Variants in LAMA5 observed in about 807,000 individuals in gnomAD.
The protein encoded by LAMA5 is laminin subunit alpha-5.
LAMA5 carries 260 observed loss-of-function variants against 433.4 expected under a neutral mutation model. The ratio of observed to expected loss-of-function variants is 0.60; its 90% confidence interval spans 0.54 to 0.66. The LOEUF is 0.66. Among genes scored for constraint, LAMA5 ranks in the 30% least tolerant of loss-of-function variants. The pLI is 0.00. For missense variants in LAMA5, 5,378 were observed against 5,258.5 expected, an observed-to-expected ratio of 1.02 and a Z score of -0.70; for synonymous variants, 2,620 against 2,226.6, an observed-to-expected ratio of 1.18 and a Z score of -4.97.
rs370374212 is a variant in LAMA5, at chr20:62,313,126, C to T, written c.8917G>A (p.Val2973Met). 4.4e-5 allele frequency: 70 copies of T among 1,607,074 alleles called. No homozygotes were observed. In the African/African-American group the frequency reaches 4.9e-4, roughly 11 times the overall value. ...TKRFEQELRL[V>M]SYSGVLFFLK... Reference sequence around the variant, plus strand: ...AAGAAGAGCACCCCGCTGTAGGACACGAGCCGCAGCTCCTGCTCGAAGCGC... The same window carrying T: ...AAGAAGAGCACCCCGCTGTAGGACATGAGCCGCAGCTCCTGCTCGAAGCGC... The change falls in exon 65 of 80, where the codon GTG becomes ATG. Residue 2973 changes from valine (V) to methionine (M), a missense_variant. Val to Met is a conservative substitution (Grantham distance 21). Transcript: ENST00000252999.
rs763023466 is a variant in LAMA5, at chr20:62,310,213, G to T, written c.10699C>A (p.Pro3567Thr). The T allele has an allele frequency of 2.5e-6, 4 of 1,612,488 alleles. No individual in the cohort carries two copies. The highest frequency in any genetic ancestry group is 2.2e-5 in the East Asian group (1 of 44,888). ...GTCACCTGCAACTGCAAGTAGGGGG[G>T]CGTCCGGGCCTGGCCCAAGTGGAAG... The part of the protein sequence containing the change: ...LIFHLGQART[P>T]PYLQLQVTEK... The change falls in exon 77 of 80, where the codon CCC becomes ACC. Residue 3567 changes from proline to threonine, a missense_variant. Pro to Thr is a conservative substitution (Grantham distance 38). Coordinates refer to ENST00000252999, the MANE Select transcript of LAMA5 (RefSeq NM_005560.6).
chr20:62,318,590 G>T lies in LAMA5; in HGVS notation c.7103C>A (p.Thr2368Lys). 1 of 1,610,860 alleles carries T rather than the reference G, an allele frequency of 6.2e-7. No homozygotes were observed. Among genetic ancestry groups the T allele is most frequent in the Non-Finnish European group, 8.5e-7 (1 of 1,179,072 alleles). The change falls in exon 53 of 80, where the codon ACA (threonine) becomes AAA (lysine). Residue 2368 changes from threonine to lysine, a missense_variant. Thr to Lys is a moderately conservative substitution (Grantham distance 78). Transcript: ENST00000252999. ...SLWEENQALA[T>K]QTRDRLAQHE... ...CTGGGCCAGCCGGTCGCGGGTTTGTGTGGCCAGTGCCTGGTTCTCCTCCCA... is the reference window on the plus strand; with the variant it reads ...CTGGGCCAGCCGGTCGCGGGTTTGTTTGGCCAGTGCCTGGTTCTCCTCCCA...
rs756636783 is a variant in LAMA5, at chr20:62,318,609, C to G, written c.7084G>C (p.Glu2362Gln). 1 of 1,610,842 alleles carries G rather than the reference C, an allele frequency of 6.2e-7. No individual in the cohort carries two copies. Among genetic ancestry groups the G allele is most frequent in the Non-Finnish European group, 8.5e-7 (1 of 1,179,058 alleles). The change falls in exon 53 of 80, where the codon GAG (glutamate) becomes CAG (glutamine). Residue 2362 changes from glutamate to glutamine, a missense_variant. Transcript: ENST00000252999. The stretch of plus-strand genomic sequence containing the variant: ...GTTTGTGTGGCCAGTGCCTGGTTCT[C>G]CTCCCAGAGGCTGCTCAGCTGCTCC... ...VQEQLSSLWE[E>Q]NQALATQTRD...
chr20:62,336,836 A>G (rs746788483), intron 16 of LAMA5, 50 bp from the exon 17 acceptor site: 26 of 1,590,834 alleles, frequency 1.6e-5, no homozygotes, highest in Non-Finnish European at 2.2e-5. Context: ...CCAACCCGGA[A>G]GGCCAAGGGT....
chr20:62,365,188 C>T (rs974068041), intron 1 of LAMA5, among the ~76,000 whole-genome samples: 1 of 152,216 alleles, frequency 6.6e-6, no homozygotes, highest in Non-Finnish European at 1.5e-5. Context: ...ATGAGCTGGG[C>T]GAGGCCGGCT....
rs1986382209 is a variant in LAMA5 at position 62,312,385 on chromosome 20, G to A, written c.9360+15C>T. On this transcript the variant is annotated intron_variant, in intron 68 of 79. Coordinates refer to ENST00000252999, the MANE Select transcript of LAMA5 (RefSeq NM_005560.6). ...GTCCACAGATGCCACCCCCAGCCCG[G>A]GGAGGGCTGCTCACCAGCAGGTCGG... The A allele has an allele frequency of 1.4e-5, 23 of 1,599,168 alleles. No homozygotes were observed. In the East Asian group the frequency reaches 5.1e-4, roughly 36 times the overall value.
chr20:62,350,616 C>A (rs769414677), intron 6 of LAMA5, among the ~76,000 whole-genome samples: 2 of 152,158 alleles, frequency 1.3e-5, no homozygotes, highest in African/African-American at 4.8e-5. Context: ...TTGGGCTGCT[C>A]GGTTGCAGGC....
At chr20:62,316,123 C>G (rs1568903501) in intron 57 of LAMA5, 65 bp from the exon 58 acceptor site, 1 of 1,138,298 alleles carries the variant, frequency 8.8e-7, no homozygotes, top group Non-Finnish European at 1.3e-6. Flanking sequence ...CAGCCCACCT[C>G]CACCCTTCTG....
intron 28 of LAMA5, among the ~76,000 whole-genome samples, chr20:62,332,141 G>T (rs867775314): frequency 6.6e-6 from 1 of 152,160 alleles, no homozygotes; most frequent in Non-Finnish European, 1.5e-5. Flanking sequence ...AGGGAGCTGT[G>T]ACTGCAGGTG....
At chr20:62,321,690 G>A (rs1334707102) in intron 48 of LAMA5, among the ~76,000 whole-genome samples, 1 of 108,128 alleles carries the variant, frequency 9.2e-6, no homozygotes, top group African/African-American at 3.5e-5. Flanking sequence ...GAGGGGTGGG[G>A]TCAGTGGGGG....
chr20:62,362,346 C>G, intron 2 of LAMA5, 54 bp downstream of exon 2: 1 of 1,396,114 alleles, frequency 7.2e-7, no homozygotes, highest in Non-Finnish European at 9.4e-7. Flanking sequence ...AAGGTAGGCC[C>G]GACGGGCACA....
intron 18 of LAMA5, among the ~76,000 whole-genome samples, chr20:62,335,475 T>G (rs974816687): frequency 2.8e-5 from 4 of 142,000 alleles, no homozygotes; most frequent in Non-Finnish European, 4.6e-5. Flanking sequence ...CAACACTCCC[T>G]CCAGAGCACA....
At chr20:62,320,461 A>G in intron 50 of LAMA5, 98 bp downstream of exon 50, 1 of 889,156 alleles carries the variant, frequency 1.1e-6, no homozygotes, top group Admixed American at 2.1e-5. Context: ...TGACACATGT[A>G]CGAGGCATGA....
At position 62,335,285 on chromosome 20, in the gene LAMA5, C is replaced by T. The variant is rs970741291; in HGVS notation, c.2324-16G>A. Reference sequence around the variant, plus strand: ...CAGCTGCAGCCTGGGGAGAGCAGGGCAGGACTCAGATGCTTGGTGGGGCAG... The same window carrying T: ...CAGCTGCAGCCTGGGGAGAGCAGGGTAGGACTCAGATGCTTGGTGGGGCAG... On this transcript the variant is annotated splice_polypyrimidine_tract_variant and intron_variant, in intron 18 of 79. Transcript: ENST00000252999. 39 of 1,611,594 alleles carry T rather than the reference C, an allele frequency of 2.4e-5. No individual in the cohort carries two copies. In the East Asian group the frequency reaches 8.7e-4, roughly 36 times the overall value.
At chr20:62,321,031 G>T in intron 48 of LAMA5, 141 bp from the exon 49 acceptor site, 2 of 874,834 alleles carry the variant, frequency 2.3e-6, no homozygotes, top group East Asian at 2.7e-5. Flanking sequence ...GACCTGTGGG[G>T]AGGTCCCAGA....
chr20:62,315,986 T>G lies in LAMA5; in HGVS notation c.7829A>C (p.His2610Pro), dbSNP rs914802878. The change falls in exon 58 of 80, where the codon CAC becomes CCC. Residue 2610 changes from histidine to proline, a missense_variant. By Grantham distance (77) the His-to-Pro change is moderately conservative. Transcript: ENST00000252999. ...AAGCATGGCCTGCGCCGCCTGGATG[T>G]GCGCCTCCAGCTGGTCCTTCTTGGC... is the stretch of plus-strand genomic sequence containing the variant. ...VRAKKDQLEA[H>P]IQAAQAMLAM... The G allele has an allele frequency of 6.2e-7, 1 of 1,608,306 alleles. No individual in the cohort carries two copies. Among genetic ancestry groups the G allele is most frequent in the Non-Finnish European group, 8.5e-7 (1 of 1,179,240 alleles).
In LAMA5 at chr20:62,320,905, G is replaced by C; in HGVS notation, c.6497-15C>G. Reference sequence around the variant, plus strand: ...GTGGTCACACACTGCAGGCGATGTGGGGTCACAGGTCAGTGTCATTGGGTC... The same window carrying C: ...GTGGTCACACACTGCAGGCGATGTGCGGTCACAGGTCAGTGTCATTGGGTC... On this transcript the variant is annotated splice_polypyrimidine_tract_variant and intron_variant, in intron 48 of 79. Coordinates refer to ENST00000252999, the MANE Select transcript of LAMA5 (RefSeq NM_005560.6). 6.2e-7 allele frequency: 1 copy of C among 1,600,568 alleles called. No individual in the cohort carries two copies. The highest frequency in any genetic ancestry group is 8.5e-7 in the Non-Finnish European group (1 of 1,172,698).
chr20:62,322,485 T>G, intron 46 of LAMA5, 36 bp from the exon 47 acceptor site: 1 of 1,547,220 alleles, frequency 6.5e-7, no homozygotes, highest in African/African-American at 1.4e-5. Context: ...TGCCCAGCCC[T>G]CAAGACTGTC....
chr20:62,309,790 C>T lies in LAMA5; in HGVS notation c.10874G>A (p.Ser3625Asn). 2 of 1,609,540 alleles carry T rather than the reference C, an allele frequency of 1.2e-6. No individual in the cohort carries two copies. Among genetic ancestry groups the T allele is most frequent in the Middle Eastern group, 1.7e-4 (1 of 6,026 alleles). Reference sequence around the variant, plus strand: ...CAGCAAGGGGCCCACGGTGTGGTTGCTCTGCGCGTCCACCTCCAGCCGGAG... The same window carrying T: ...CAGCAAGGGGCCCACGGTGTGGTTGTTCTGCGCGTCCACCTCCAGCCGGAG... ...NVLRLEVDAQ[S>N]NHTVGPLLAA... The change falls in exon 79 of 80, where the codon AGC becomes AAC. Residue 3625 changes from serine to asparagine, a missense_variant. Physicochemically the swap from Ser to Asn is conservative, Grantham distance 46. Coordinates refer to ENST00000252999, the MANE Select transcript of LAMA5 (RefSeq NM_005560.6).
Sources: allele counts gnomAD v4.1 joint callset (sites outside exome capture counted in the v4.1 genomes callset), GRCh38; gene constraint gnomAD v4.1.1; transcripts MANE v1.5; gene names NCBI Gene and HGNC (gene_info 2026-07-23, HGNC 2026-07-21).